Variants in EOLA2 observed in about 807,000 individuals in gnomAD.
EOLA2 encodes the protein endothelium and lymphocyte associated ASCH domain 2.
Under a neutral mutation model 4.1 loss-of-function variants are expected in EOLA2, and 3 were observed. The ratio of observed to expected loss-of-function variants is 0.73; its 90% confidence interval spans 0.33 to 1.89. EOLA2 has a LOEUF of 1.89. Ranked by LOEUF, EOLA2 falls within the 40% of genes most tolerant of loss-of-function variation. The pLI is 0.08. For missense variants in EOLA2, 109 were observed against 126.4 expected (o/e 0.86, Z 0.66); for synonymous variants, 52 against 51.7 (o/e 1.01, Z -0.03).
intron 2 of EOLA2, among the ~76,000 whole-genome samples, chrX:149,935,016 C>A (rs1557375586): frequency 8.9e-6 from 1 of 112,178 alleles, no homozygotes; most frequent in African/African-American, 3.3e-5. Context: ...CCGCCCTCAC[C>A]CCTCAGGCCC....
intron 2 of EOLA2, among the ~76,000 whole-genome samples, chrX:149,935,018 C>T (rs1337721871): frequency 1.8e-5 from 2 of 112,247 alleles, no homozygotes; most frequent in Non-Finnish European, 3.8e-5. Flanking sequence ...GCCCTCACCC[C>T]TCAGGCCCGT....
intron 2 of EOLA2, among the ~76,000 whole-genome samples, chrX:149,935,155 T>C (rs1456219068): frequency 1.1e-5 from 1 of 94,228 alleles, no homozygotes; most frequent in Non-Finnish European, 2.1e-5. Flanking sequence ...CCCACCCTCA[T>C]GAGACAAAGC....
chrX:149,932,677 T>C lies in EOLA2; in HGVS notation c.344A>G (p.Asn115Ser), dbSNP rs781901970. The change falls in exon 5 of 5, where the codon AAC becomes AGC. Residue 115 changes from asparagine to serine, a missense_variant. By Grantham distance (46) the Asn-to-Ser change is conservative. Coordinates refer to ENST00000370406, the MANE Select transcript of EOLA2 (RefSeq NM_001013845.2). ...VELENQAALT[N>S]LKQKYLTVIS... is the part of the protein sequence containing the mutation. ...CACAGTCAGGTACTTCTGCTTCAGGTTGGTCAGTGCAGCTTGATTTTCTAG... is the reference window on the plus strand; with the variant it reads ...CACAGTCAGGTACTTCTGCTTCAGGCTGGTCAGTGCAGCTTGATTTTCTAG... 4 of 1,208,511 alleles carry C rather than the reference T, an allele frequency of 3.3e-6. No homozygotes were observed. The highest frequency in any genetic ancestry group is 1.8e-5 in the South Asian group (1 of 56,767).
In EOLA2 at chrX:149,933,889, C is replaced by T. The variant is rs1557375300; in HGVS notation, c.-15G>A. The stretch of plus-strand genomic sequence containing the variant: ...CCAAACTTCATCTTCGCAAGCGCCC[C>T]GGGCCTCCCGTAGCCTGCGGAAGCA... On this transcript the variant is annotated 5_prime_UTR_variant, in exon 4 of 5. Transcript: ENST00000370406. 5 of 1,196,205 alleles carry T rather than the reference C, an allele frequency of 4.2e-6. No homozygotes were observed. The highest frequency in any genetic ancestry group is 5.6e-6 in the Non-Finnish European group (5 of 887,196).
rs1557376789 is a variant in EOLA2, at chrX:149,938,365, G to C, written c.-383C>G. On this transcript the variant is annotated 5_prime_UTR_variant, in exon 1 of 5. Coordinates refer to ENST00000370406, the MANE Select transcript of EOLA2 (RefSeq NM_001013845.2). ...GGTGAGAAGAGAGAGCACCCGGCTC[G>C]TGTCAGGGCTGTAAGGTAGCTGCCG... The C allele has an allele frequency of 8.9e-6, 1 of 112,679 alleles. No homozygotes were observed. Among genetic ancestry groups the C allele is most frequent in the East Asian group, 2.8e-4 (1 of 3,592 alleles). The allele number at this position is 112,679 out of a possible 1,213,427, so 9.3% of individuals were successfully genotyped here. A position where few individuals can be genotyped will look rare whatever the true frequency, so the allele number is the denominator to read the frequency against.
At chrX:149,935,749 T>G (rs1401209753) in intron 2 of EOLA2, among the ~76,000 whole-genome samples, 1 of 103,702 alleles carries the variant, frequency 9.6e-6, no homozygotes, top group Non-Finnish European at 2.0e-5. Context: ...CCATACATAC[T>G]CAGGACCCCA....
In EOLA2 at chrX:149,938,238, T is replaced by C. The variant is rs1178360038; in HGVS notation, c.-256A>G. On this transcript the variant is annotated 5_prime_UTR_variant, in exon 1 of 5. Transcript: ENST00000370406. ...CACGGCCTCTGGACCCTGAGAGTCG[T>C]GGGCGTTCAGGGCCGACTCTGGCTT... 1.8e-5 allele frequency: 2 copies of C among 112,906 alleles called. No individual in the cohort carries two copies. Among genetic ancestry groups the C allele is most frequent in the African/African-American group, 6.4e-5 (2 of 31,141 alleles). 9.3% of individuals were successfully genotyped at this position (112,906 alleles called of 1,213,427 possible). A position where few individuals can be genotyped will look rare whatever the true frequency, so the allele number is the denominator to read the frequency against.
chrX:149,934,305 C>G (rs1194099258), intron 2 of EOLA2, 168 bp from the exon 3 acceptor site: 25 of 636,730 alleles, frequency 3.9e-5, no homozygotes, highest in Non-Finnish European at 4.8e-5. Flanking sequence ...CGCTCTGCTT[C>G]TCTTCCCTTT....
chrX:149,937,951 G>A (rs1247534323), intron 1 of EOLA2, among the ~76,000 whole-genome samples: 1 of 112,887 alleles, frequency 8.9e-6, no homozygotes, highest in Non-Finnish European at 1.9e-5. Context: ...GGGAGGCAGG[G>A]AAGACCGGGC....
rs34347368 is a variant in EOLA2 at position 149,934,072 on chromosome X, A to G, written c.-97T>C. ...CACAGCAGGCCCAAGGGAAGGGGCT[A>G]GGATTCGGCTGACTCAGGTCCATCC... On this transcript the variant is annotated 5_prime_UTR_variant, in exon 3 of 5. Transcript: ENST00000370406. 4.5e-4 allele frequency: 486 copies of G among 1,076,896 alleles called. 11 individuals carry two copies. Among genetic ancestry groups the G allele is most frequent in the African/African-American group, 2.6e-3 (125 of 47,578 alleles). 88.7% of individuals were successfully genotyped at this position (1,076,896 alleles called of 1,213,427 possible). A position where few individuals can be genotyped will look rare whatever the true frequency, so the allele number is the denominator to read the frequency against.
chrX:149,934,657 C>A, intron 2 of EOLA2: 1 of 752,513 alleles, frequency 1.3e-6, no homozygotes, highest in East Asian at 1.5e-4. Context: ...ATGGCATGAT[C>A]TTCAGATCAT....
downstream of EOLA2, chrX:149,931,236 T>C (rs1361661395): frequency 3.7e-5 from 22 of 602,572 alleles, no homozygotes; most frequent in South Asian, 2.0e-3. Flanking sequence ...TTGGTCTTAA[T>C]AAAGAAAAAC....
Position 149,932,717 on chromosome X carries a change from C to G in EOLA2, c.304G>C (p.Asp102His). 1 of 1,207,383 alleles carries G rather than the reference C, an allele frequency of 8.3e-7. No individual in the cohort carries two copies. The highest frequency in any genetic ancestry group is 1.1e-6 in the Non-Finnish European group (1 of 894,099). ...TGATTTTCTAGTTCCACAACCTCAT[C>G]GGGAGTTAAGTCTTCGGGGCATTGC... ...TLQCPEDLTP[D>H]EVVELENQAA... is the part of the protein sequence containing the mutation. The change falls in exon 5 of 5, where the codon GAT becomes CAT. Residue 102 changes from aspartate to histidine, a missense_variant. Transcript: ENST00000370406.
intron 2 of EOLA2, 26 bp from the exon 3 acceptor site, chrX:149,934,163 C>T (rs1420276715): frequency 3.4e-5 from 35 of 1,019,260 alleles, no homozygotes; most frequent in Non-Finnish European, 4.0e-5. Context: ...GGCAGGATAG[C>T]ATGTGGTCAG....
At chrX:149,935,607 C>G (rs2090976194) in intron 2 of EOLA2, among the ~76,000 whole-genome samples, 1 of 95,338 alleles carries the variant, frequency 1.0e-5, no homozygotes, top group African/African-American at 4.0e-5. Context: ...CATCTTAGTC[C>G]ATGCTCAGCA....
At position 149,933,724 on chromosome X, in the gene EOLA2, C is replaced by T. The variant is rs144047890; in HGVS notation, c.151G>A (p.Asp51Asn). The T allele has an allele frequency of 3.3e-5, 40 of 1,206,699 alleles. 2 individuals carry two copies. In the African/African-American group the frequency reaches 4.8e-4, roughly 14 times the overall value. Residue 51 changes from aspartate to asparagine, a missense_variant, in exon 4 of 5, where the codon GAT becomes AAT. By Grantham distance (23) the Asp-to-Asn change is conservative (BLOSUM62 1). Coordinates refer to ENST00000370406, the MANE Select transcript of EOLA2 (RefSeq NM_001013845.2). ...VHIAHRDWEG[D>N]ACRELLVERL... ...TCCACCAGCAGCTCCCGACAGGCAT[C>T]GCCTTCCCAGTCCCTGTGAGCAATG...
intron 2 of EOLA2, chrX:149,934,377 C>G: frequency 4.6e-6 from 3 of 656,370 alleles, no homozygotes; most frequent in Non-Finnish European, 5.5e-6. Context: ...AGGCACTGAC[C>G]TTCCCAGCTC....
chrX:149,931,250 A>C (rs2090869344), downstream of EOLA2: 1 of 457,029 alleles, frequency 2.2e-6, no homozygotes, highest in Non-Finnish European at 3.1e-6. Flanking sequence ...GAAAAACAAA[A>C]TTCCATGGAA....
downstream of EOLA2, among the ~76,000 whole-genome samples, chrX:149,931,884 T>C (rs1477407747): frequency 2.1e-5 from 2 of 97,553 alleles, no homozygotes; most frequent in African/African-American, 7.5e-5. Flanking sequence ...CTCACTCTAC[T>C]AGAGCTGTAT....
Sources: allele counts gnomAD v4.1 joint callset (sites outside exome capture counted in the v4.1 genomes callset), GRCh38; gene constraint gnomAD v4.1.1; transcripts MANE v1.5; gene names NCBI Gene and HGNC (gene_info 2026-07-23, HGNC 2026-07-21).